PHEX: variants seen among roughly 807,000 people sequenced by gnomAD.
PHEX encodes the protein phosphate-regulating neutral endopeptidase PHEX.
A neutral mutation model predicts 68.0 loss-of-function variants in PHEX; 16 were observed. That is an observed-to-expected ratio of 0.24 (90% CI 0.16 to 0.36). PHEX has a LOEUF of 0.36. PHEX is among the 10% of genes least tolerant of loss of function. PHEX has a pLI of 1.00. For synonymous variants in PHEX, 208 were observed against 205.1 expected (o/e 1.01, Z -0.12); for missense variants, 480 against 575.5 (o/e 0.83, Z 1.70).
chrX:22,144,377 T>C (rs1010717903), intron 12 of PHEX, among the ~76,000 whole-genome samples: 1 of 111,679 alleles, frequency 9.0e-6, no homozygotes, highest in Non-Finnish European at 1.9e-5. Flanking sequence ...TTGCCTCTAA[T>C]ATTTAAAAAT....
At chrX:22,065,461 C>G (rs781473871) in intron 3 of PHEX, among the ~76,000 whole-genome samples, 11 of 111,238 alleles carry the variant, frequency 9.9e-5, no homozygotes, top group Non-Finnish European at 1.7e-4. Flanking sequence ...GAGTCTTGCT[C>G]TTTCACCAGG....
chrX:22,096,500 T>C (rs143633672), intron 7 of PHEX, among the ~76,000 whole-genome samples: 2,613 of 112,079 alleles, frequency 0.023, 42 homozygotes, highest in Non-Finnish European at 0.039. Flanking sequence ...GACAAAATGA[T>C]CACGGGGAAC....
chrX:22,101,805 A>G (rs1402557304), intron 9 of PHEX, among the ~76,000 whole-genome samples: 2 of 111,721 alleles, frequency 1.8e-5, no homozygotes, highest in African/African-American at 6.5e-5. Flanking sequence ...TATACCCAGA[A>G]GGAAAAGGAG....
At chrX:22,176,617 TCCTC>T (rs1394968060) in intron 13 of PHEX, among the ~76,000 whole-genome samples, 5 of 109,635 alleles carry the variant, frequency 4.6e-5, no homozygotes, top group African/African-American at 1.6e-4. Context: ...CTAATCTCCT[TCCTC>T]TGCGTCTATC....
In PHEX at chrX:22,248,782, A is replaced by G. The variant is rs1217039048; in HGVS notation, c.*829A>G. 8.9e-6 allele frequency: 1 copy of G among 111,894 alleles called. No homozygotes were observed. The highest frequency in any genetic ancestry group is 1.9e-5 in the Non-Finnish European group (1 of 53,194). 9.2% of individuals were successfully genotyped at this position (111,894 alleles called of 1,213,427 possible). On this transcript the variant is annotated 3_prime_UTR_variant, in exon 22 of 22. Coordinates refer to ENST00000379374, the MANE Select transcript of PHEX (RefSeq NM_000444.6). ...TGTCCAGTCTGTATGAACTGCAGTG[A>G]TTGTCTGTCTGCTAGACACTTTTTT...
chrX:22,065,453 G>T (rs754927623), intron 3 of PHEX, among the ~76,000 whole-genome samples: 78 of 111,002 alleles, frequency 7.0e-4, no homozygotes, highest in Non-Finnish European at 9.6e-4. Context: ...TTGAGACAGA[G>T]TCTTGCTCTT....
At chrX:22,131,367 A>G (rs1931995843) in intron 11 of PHEX, among the ~76,000 whole-genome samples, 1 of 112,585 alleles carries the variant, frequency 8.9e-6, no homozygotes, top group Non-Finnish European at 1.9e-5. Context: ...GTTCCTCCAA[A>G]GATTCTAATG....
chrX:22,152,546 C>T (rs767810296), intron 12 of PHEX, among the ~76,000 whole-genome samples: 133 of 111,607 alleles, frequency 1.2e-3, no homozygotes, highest in Middle Eastern at 4.6e-3. Context: ...GGAAAGAAAT[C>T]CAGTTTATTA....
chrX:22,065,000 A>G (rs1390101539), intron 3 of PHEX, among the ~76,000 whole-genome samples: 1 of 112,485 alleles, frequency 8.9e-6, no homozygotes, highest in Non-Finnish European at 1.9e-5. Context: ...ATTTGTAATG[A>G]TGGACTATTT....
At chrX:22,216,034 G>A (rs1022586352) in intron 16 of PHEX, among the ~76,000 whole-genome samples, 9 of 111,402 alleles carry the variant, frequency 8.1e-5, no homozygotes, top group Non-Finnish European at 1.1e-4. Flanking sequence ...GAGCTATTAC[G>A]TTTAGACCCG....
chrX:22,152,329 G>T (rs1432821993), intron 12 of PHEX, among the ~76,000 whole-genome samples: 5 of 111,830 alleles, frequency 4.5e-5, no homozygotes, highest in Non-Finnish European at 9.4e-5. Context: ...TATAGTAAGG[G>T]TTTAATGGAG....
chrX:22,174,402 C>G (rs1933635710), intron 13 of PHEX, among the ~76,000 whole-genome samples: 1 of 111,873 alleles, frequency 8.9e-6, no homozygotes. Context: ...TGCTGGGTTT[C>G]AATTCTTTTT....
chrX:22,156,941 G>A (rs1324280013), intron 12 of PHEX, among the ~76,000 whole-genome samples: 1 of 110,556 alleles, frequency 9.0e-6, no homozygotes, highest in Non-Finnish European at 1.9e-5. Context: ...GGAGTGCAGT[G>A]GCACAATCTT....
At chrX:22,073,142 T>C (rs951872378) in intron 3 of PHEX, among the ~76,000 whole-genome samples, 1 of 111,507 alleles carries the variant, frequency 9.0e-6, no homozygotes, top group African/African-American at 3.3e-5. Context: ...AACAATATCC[T>C]GAGAAGCAAG....
chrX:22,168,599 C>T (rs1209815516), intron 13 of PHEX, among the ~76,000 whole-genome samples: 1 of 111,610 alleles, frequency 9.0e-6, no homozygotes, highest in East Asian at 2.8e-4. Flanking sequence ...AGAAACGATG[C>T]GTAGCTGAGT....
intron 1 of PHEX, among the ~76,000 whole-genome samples, chrX:22,034,284 C>T (rs1361359834): frequency 4.5e-5 from 5 of 111,837 alleles, no homozygotes; most frequent in Non-Finnish European, 7.5e-5. Context: ...CTACGTGCAA[C>T]GTGACTGCAA....
intron 16 of PHEX, among the ~76,000 whole-genome samples, chrX:22,216,598 C>T (rs925466072): frequency 2.7e-5 from 3 of 110,512 alleles, no homozygotes; most frequent in Non-Finnish European, 5.7e-5. Context: ...CAGCTCACTG[C>T]AACCTCCGCC....
intron 17 of PHEX, 98 bp from the exon 18 acceptor site, chrX:22,221,515 A>ATGAC: frequency 2.7e-6 from 2 of 733,359 alleles, no homozygotes; most frequent in South Asian, 4.4e-5. Flanking sequence ...CCCTGCTGTT[A>ATGAC]TGACTGCTTT....
intron 20 of PHEX, among the ~76,000 whole-genome samples, chrX:22,244,467 C>T (rs1216676496): frequency 1.8e-5 from 2 of 109,939 alleles, no homozygotes; most frequent in Non-Finnish European, 3.8e-5. Flanking sequence ...CTGGGCGTGG[C>T]GGTGTGCACC....
Sources: allele counts gnomAD v4.1 joint callset (sites outside exome capture counted in the v4.1 genomes callset), GRCh38; gene constraint gnomAD v4.1.1; transcripts MANE v1.5; gene names NCBI Gene and HGNC (gene_info 2026-07-23, HGNC 2026-07-21).